The following SLC26A7 variants were observed in gnomAD, a reference collection of about 807,000 sequenced individuals.
SLC26A7 encodes the protein solute carrier family 26 member 7.
SLC26A7 carries 59 observed loss-of-function variants against 82.5 expected under a neutral mutation model. That is an observed-to-expected ratio of 0.72 (90% CI 0.58 to 0.89). The LOEUF (loss-of-function observed/expected upper bound fraction) is 0.89. Among genes scored for constraint, SLC26A7 ranks in the 40% least tolerant of loss-of-function variants. The pLI is 0.00. For missense variants in SLC26A7, 820 were observed against 793.0 expected, an observed-to-expected ratio of 1.03 and a Z score of -0.41; for synonymous variants, 271 against 274.3, an observed-to-expected ratio of 0.99 and a Z score of 0.12.
intron 4 of SLC26A7, among the ~76,000 whole-genome samples, chr8:91,307,789 T>TA (rs1162310463): frequency 7.0e-6 from 1 of 141,934 alleles, no homozygotes; most frequent in African/African-American, 2.7e-5. Flanking sequence ...CCCTAAAACT[T>TA]AAAGTATAAT....
rs80207772 is a variant in SLC26A7 at position 91,351,437 on chromosome 8, A to G, written c.1141-373A>G. On this transcript the variant is annotated intron_variant, in intron 9 of 18. Coordinates refer to ENST00000276609, the MANE Select transcript of SLC26A7 (RefSeq NM_052832.4). ...TATTGCTCAAACAACCTCCTACAAAATAAGGAGGGGAGTCAGGCTAAACAA... is the reference window on the plus strand; with the variant it reads ...TATTGCTCAAACAACCTCCTACAAAGTAAGGAGGGGAGTCAGGCTAAACAA... Among the ~76,000 whole-genome samples, 573 of 152,294 alleles carry G rather than the reference A, an allele frequency of 3.8e-3. 9 individuals are homozygous for G. The highest frequency in any genetic ancestry group is 0.027 in the Admixed American group (408 of 15,274).
chr8:91,290,193 T>C (rs1439270174), intron 3 of SLC26A7, among the ~76,000 whole-genome samples: 1 of 152,166 alleles, frequency 6.6e-6, no homozygotes, highest in Non-Finnish European at 1.5e-5. Flanking sequence ...TTCTATTTAT[T>C]TGGGGATTAC....
rs148568565 is a variant in SLC26A7 at position 91,259,281 on chromosome 8, C to A, written c.193+9437C>A. On this transcript the variant is annotated intron_variant, in intron 2 of 18. Transcript: ENST00000276609. Reference sequence around the variant, plus strand: ...CTTTTGCCTGCACCCTTTATATGGACATGGACTTTCTAATTTGCCATACCC... The same window carrying A: ...CTTTTGCCTGCACCCTTTATATGGAAATGGACTTTCTAATTTGCCATACCC... Among the ~76,000 whole-genome samples the A allele has an allele frequency of 8.6e-3, 1,312 of 152,126 alleles. 10 individuals carry two copies. The highest frequency in any genetic ancestry group is 0.03 in the African/African-American group (1,247 of 41,520).
At chr8:91,231,534 A>G (rs1001707066) in intron 2 of SLC26A7, among the ~76,000 whole-genome samples, 1 of 151,946 alleles carries the variant, frequency 6.6e-6, no homozygotes, top group Admixed American at 6.6e-5. Context: ...GCGATGAAAT[A>G]CTTTTCTTTT....
intron 2 of SLC26A7, among the ~76,000 whole-genome samples, chr8:91,264,124 C>G (rs1811045433): frequency 6.6e-6 from 1 of 152,002 alleles, no homozygotes; most frequent in Non-Finnish European, 1.5e-5. Flanking sequence ...CTAGTTAGTG[C>G]CAGATGCATT....
chr8:91,291,149 A>C (rs750940011), intron 3 of SLC26A7, among the ~76,000 whole-genome samples: 1 of 152,152 alleles, frequency 6.6e-6, no homozygotes, highest in Non-Finnish European at 1.5e-5. Context: ...AGAGCTTTAC[A>C]TATGTTATTT....
intron 2 of SLC26A7, among the ~76,000 whole-genome samples, chr8:91,242,612 A>G (rs1000961592): frequency 6.6e-6 from 1 of 152,150 alleles, no homozygotes; most frequent in South Asian, 2.1e-4. Context: ...TAAAGGAAGC[A>G]CCAGAGAGCT....
Position 91,389,319 on chromosome 8 carries a change from GTC to G in SLC26A7, c.1676-15_1676-14del, listed in dbSNP as rs1289339768. ...TCTCTTAAAACTCTCCCTAACTCAA[GTC>G]TCTGTTTCTCCTACAGAAGAAGCTT... On this transcript the variant is annotated splice_polypyrimidine_tract_variant and intron_variant, in intron 15 of 18. Transcript: ENST00000276609. The G allele has an allele frequency of 6.3e-7, 1 of 1,592,662 alleles. No individual in the cohort carries two copies. The highest frequency in any genetic ancestry group is 8.6e-7 in the Non-Finnish European group (1 of 1,160,876).
intron 9 of SLC26A7, among the ~76,000 whole-genome samples, 176 bp from the exon 10 acceptor site, chr8:91,351,634 T>C (rs1813718144): frequency 6.6e-6 from 1 of 152,292 alleles, no homozygotes; most frequent in South Asian, 2.1e-4. Context: ...ACATTTGGCT[T>C]CCCTCAGTTG....
Position 91,334,424 on chromosome 8 carries a change from G to C in SLC26A7, c.772G>C (p.Val258Leu), listed in dbSNP as rs764177428. The C allele has an allele frequency of 2.9e-5, 46 of 1,612,046 alleles. No homozygotes were observed. The Middle Eastern group carries it at 5.0e-4, about 17-fold the overall frequency. ...NEQFKRKIKV[V>L]LPVDLVLIIA... ...ACAGTTTAAAAGGAAAATTAAAGTT[G>C]TTCTTCCTGTAGATTTAGTTTTGGT... The change falls in exon 6 of 19, where the codon GTT (valine) becomes CTT (leucine). Residue 258 changes from valine (V) to leucine (L), a missense_variant. By Grantham distance (32) the Val-to-Leu change is conservative. Coordinates refer to ENST00000276609, the MANE Select transcript of SLC26A7 (RefSeq NM_052832.4).
intron 11 of SLC26A7, among the ~76,000 whole-genome samples, chr8:91,359,806 C>T (rs906457849): frequency 2.0e-5 from 3 of 151,748 alleles, no homozygotes; most frequent in Admixed American, 6.6e-5. Context: ...ATACCCAATA[C>T]GTATAATGTC....
chr8:91,262,315 G>T (rs1009896710), intron 2 of SLC26A7, among the ~76,000 whole-genome samples: 2 of 152,078 alleles, frequency 1.3e-5, no homozygotes, highest in African/African-American at 4.8e-5. Context: ...AGTATCTGAC[G>T]TTTAGGCAAA....
Position 91,334,377 on chromosome 8 carries a change from T to C in SLC26A7, c.725T>C (p.Val242Ala). The part of the protein sequence containing the change: ...LLSLLSIVVL[V>A]LVKELNEQFK... ...TCCTTGCTGAGCATTGTGGTCCTTG[T>C]TCTTGTTAAAGAGCTGAATGAACAG... The change falls in exon 6 of 19, where the codon GTT (valine) becomes GCT (alanine). Residue 242 changes from valine to alanine, a missense_variant. By Grantham distance (64) the Val-to-Ala change is moderately conservative. Transcript: ENST00000276609. The C allele has an allele frequency of 6.2e-7, 1 of 1,613,544 alleles. No homozygotes were observed. Among genetic ancestry groups the C allele is most frequent in the South Asian group, 1.1e-5 (1 of 91,058 alleles).
At chr8:91,304,844 C>T (rs1331043014) in intron 4 of SLC26A7, among the ~76,000 whole-genome samples, 1 of 152,190 alleles carries the variant, frequency 6.6e-6, no homozygotes, top group African/African-American at 2.4e-5. Flanking sequence ...CTTGGCTCCA[C>T]AACAGTGTGC....
intron 4 of SLC26A7, among the ~76,000 whole-genome samples, chr8:91,309,906 C>T (rs1434487538): frequency 6.6e-6 from 1 of 151,964 alleles, no homozygotes; most frequent in Non-Finnish European, 1.5e-5. Flanking sequence ...CATGCTAACT[C>T]GAGGTGTTTT....
At chr8:91,221,976 T>G (rs1810166824) in intron 2 of SLC26A7, among the ~76,000 whole-genome samples, 1 of 152,226 alleles carries the variant, frequency 6.6e-6, no homozygotes, top group Non-Finnish European at 1.5e-5. Flanking sequence ...ATGGCCATTT[T>G]CATGATATTG....
intron 8 of SLC26A7, among the ~76,000 whole-genome samples, chr8:91,341,706 A>G (rs1186168102): frequency 6.6e-6 from 1 of 152,172 alleles, no homozygotes; most frequent in East Asian, 1.9e-4. Context: ...CACTCAGAGT[A>G]AGAGCCTCTC....
At chr8:91,322,284 A>T (rs906547399) in intron 5 of SLC26A7, among the ~76,000 whole-genome samples, 2 of 152,188 alleles carry the variant, frequency 1.3e-5, no homozygotes, top group African/African-American at 4.8e-5. Flanking sequence ...GGTTTTCAAC[A>T]GTTCAACTCA....
intron 5 of SLC26A7, among the ~76,000 whole-genome samples, chr8:91,331,086 C>T (rs947921146): frequency 6.6e-6 from 1 of 151,972 alleles, no homozygotes; most frequent in Non-Finnish European, 1.5e-5. Context: ...CTAATCTCTT[C>T]TCAGTCATTT....
Sources: gnomAD v4.1 joint callset for allele counts (sites outside exome capture counted in the v4.1 genomes callset) on GRCh38, gnomAD v4.1.1 for gene constraint, MANE v1.5 for transcripts, NCBI Gene and HGNC (gene_info 2026-07-23, HGNC 2026-07-21) for gene names.